CNKSR2: variants seen among roughly 807,000 people sequenced by gnomAD.
CNKSR2 encodes the protein CNK homolog protein 2.
In CNKSR2, 14 loss-of-function variants were observed where a neutral mutation model predicts 84.4. The observed-to-expected ratio is 0.17, with a 90% CI of 0.11 to 0.26. CNKSR2 has a LOEUF of 0.26. CNKSR2 is among the 10% of genes least tolerant of loss of function. The pLI, the probability that CNKSR2 is intolerant of heterozygous loss-of-function variation, is 1.00. For missense variants in CNKSR2, 485 were observed against 771.2 expected, an observed-to-expected ratio of 0.63 and a Z score of 4.40; for synonymous variants, 275 against 277.9, an observed-to-expected ratio of 0.99 and a Z score of 0.10.
chrX:21,630,181 A>G (rs942410842), intron 20 of CNKSR2, among the ~76,000 whole-genome samples: 1 of 112,063 alleles, frequency 8.9e-6, no homozygotes, highest in African/African-American at 3.2e-5. Flanking sequence ...CATAGTCTGG[A>G]TTTGAAATGC....
chrX:21,598,340 T>C (rs934203816), intron 17 of CNKSR2, among the ~76,000 whole-genome samples: 1 of 111,164 alleles, frequency 9.0e-6, no homozygotes, highest in Non-Finnish European at 1.9e-5. Flanking sequence ...AGTACACATG[T>C]TCTTGTAATT....
intron 20 of CNKSR2, among the ~76,000 whole-genome samples, chrX:21,641,240 T>C (rs1321948067): frequency 8.9e-6 from 1 of 112,136 alleles, no homozygotes; most frequent in Non-Finnish European, 1.9e-5. Context: ...CATATACAAG[T>C]ATAGTGGTGG....
In CNKSR2 at chrX:21,402,843, C is replaced by T. The variant is rs980920500; in HGVS notation, c.65-23654C>T. 2.7e-5 allele frequency among the ~76,000 whole-genome samples: 3 copies of T among 110,420 alleles called. No individual in the cohort carries two copies. In the Admixed American group the frequency reaches 2.9e-4, roughly 11 times the overall value. ...ACCAGACATTAAAATATTATAAAAC[C>T]TCTATCATAAAAACAGTATGGTGCT... On this transcript the variant is annotated intron_variant, in intron 1 of 21. Transcript: ENST00000379510.
chrX:21,617,737 A>G (rs2147297412), intron 20 of CNKSR2, among the ~76,000 whole-genome samples: 1 of 111,480 alleles, frequency 9.0e-6, no homozygotes, highest in Admixed American at 9.6e-5. Flanking sequence ...TGTAAGCAAC[A>G]GTCCTGTGAA....
intron 5 of CNKSR2, among the ~76,000 whole-genome samples, chrX:21,484,005 A>G (rs1205951420): frequency 1.8e-5 from 2 of 112,414 alleles, no homozygotes; most frequent in African/African-American, 6.5e-5. Flanking sequence ...AAATAAAAAC[A>G]TACTGGCTGG....
intron 13 of CNKSR2, among the ~76,000 whole-genome samples, chrX:21,570,990 TCTTCTATC>T (rs1569248849): frequency 8.9e-6 from 1 of 112,519 alleles, no homozygotes; most frequent in Non-Finnish European, 1.9e-5. Flanking sequence ...CTGGTTTTGA[TCTTCTATC>T]CAGACCACTT....
chrX:21,624,695 G>C lies in CNKSR2; in HGVS notation c.2692+15078G>C, dbSNP rs755579643. Among the ~76,000 whole-genome samples the C allele has an allele frequency of 2.7e-3, 295 of 111,298 alleles. 1 individual carries two copies. The highest frequency in any genetic ancestry group is 9.0e-3 in the African/African-American group (275 of 30,601). Reference sequence around the variant, plus strand: ...GCTGGTTTCGAACTCCTGACCTCAAGTGATCCTCCCAAAGTGTTAGGATTA... The same window carrying C: ...GCTGGTTTCGAACTCCTGACCTCAACTGATCCTCCCAAAGTGTTAGGATTA... On this transcript the variant is annotated intron_variant, in intron 20 of 21. Coordinates refer to ENST00000379510, the MANE Select transcript of CNKSR2 (RefSeq NM_014927.5).
intron 11 of CNKSR2, among the ~76,000 whole-genome samples, chrX:21,558,932 A>G (rs760189168): frequency 7.4e-4 from 83 of 111,559 alleles, no homozygotes; most frequent in Non-Finnish European, 1.4e-3. Flanking sequence ...TAATTGCTTC[A>G]GTTTCAGTGC....
At chrX:21,374,987 G>A (rs1469913721) in intron 1 of CNKSR2, 26 bp downstream of exon 1, 2 of 1,155,100 alleles carry the variant, frequency 1.7e-6, no homozygotes, top group Non-Finnish European at 2.4e-6. Context: ...GGGAGGGTGA[G>A]GCGGCACTGG....
intron 3 of CNKSR2, among the ~76,000 whole-genome samples, chrX:21,434,717 A>T (rs1422638770): frequency 9.0e-6 from 1 of 110,715 alleles, no homozygotes; most frequent in Non-Finnish European, 1.9e-5. Flanking sequence ...TTTGGAGAAA[A>T]CGTGTATCCA....
chrX:21,563,200 G>T (rs929600492), intron 12 of CNKSR2, 38 bp from the exon 13 acceptor site: 1 of 1,034,482 alleles, frequency 9.7e-7, no homozygotes, highest in African/African-American at 1.9e-5. Flanking sequence ...TGGGGTATTT[G>T]TGTATTTATA....
At chrX:21,614,490 TAAAGTC>T (rs1249759787) in intron 20 of CNKSR2, among the ~76,000 whole-genome samples, 1 of 111,179 alleles carries the variant, frequency 9.0e-6, no homozygotes, top group Non-Finnish European at 1.9e-5. Flanking sequence ...AAAGACATGA[TAAAGTC>T]AAAGAAAAAA....
chrX:21,605,325 CAG>C (rs991170608), intron 18 of CNKSR2, among the ~76,000 whole-genome samples: 1 of 112,245 alleles, frequency 8.9e-6, no homozygotes, highest in Non-Finnish European at 1.9e-5. Flanking sequence ...GGAAAAAAAA[CAG>C]ATATCAAATT....
Position 21,609,536 on chromosome X carries a change from G to T in CNKSR2, c.2611G>T (p.Val871Leu), listed in dbSNP as rs779720741. ...PVSACDPQDD[V>L]QPPEVEEEEE... is the part of the protein sequence containing the mutation. ...TAGTGCCTGTGACCCACAGGATGAC[G>T]TGCAACCCCCAGAGGTGGAGGAAGA... Residue 871 changes from valine (V) to leucine (L), a missense_variant, in exon 20 of 22, where the codon GTG becomes TTG. Val to Leu is a conservative substitution (Grantham distance 32). Transcript: ENST00000379510. 8.3e-7 allele frequency: 1 copy of T among 1,211,001 alleles called. No homozygotes were observed. The highest frequency in any genetic ancestry group is 1.1e-6 in the Non-Finnish European group (1 of 895,360).
chrX:21,608,663 T>C (rs1449513324), intron 19 of CNKSR2, among the ~76,000 whole-genome samples: 3 of 111,135 alleles, frequency 2.7e-5, no homozygotes, highest in Non-Finnish European at 5.7e-5. Context: ...CAAAAGACTC[T>C]CTCCTAGTCC....
intron 20 of CNKSR2, among the ~76,000 whole-genome samples, chrX:21,631,740 A>G (rs2092648768): frequency 8.9e-6 from 1 of 112,509 alleles, no homozygotes; most frequent in African/African-American, 3.2e-5. Flanking sequence ...CTCATGCAGT[A>G]TGTAGAATAA....
intron 21 of CNKSR2, among the ~76,000 whole-genome samples, chrX:21,649,712 G>A (rs778076190): frequency 3.6e-5 from 4 of 111,468 alleles, no homozygotes; most frequent in Non-Finnish European, 7.5e-5. Context: ...CTGTGTGTGG[G>A]GGAGTGTGGG....
intron 1 of CNKSR2, among the ~76,000 whole-genome samples, chrX:21,407,298 CA>C (rs1415139264): frequency 1.8e-5 from 2 of 110,962 alleles, no homozygotes; most frequent in Non-Finnish European, 3.8e-5. Context: ...ATTAACTGCC[CA>C]AAGTTGAACT....
In CNKSR2 at chrX:21,496,234, T is replaced by C. The variant is rs929095729; in HGVS notation, c.682-1553T>C. On this transcript the variant is annotated intron_variant, in intron 6 of 21. Coordinates refer to ENST00000379510, the MANE Select transcript of CNKSR2 (RefSeq NM_014927.5). ...TTTAAGATCCTTTATTAATCTGATA[T>C]AATATTGTTAATTCCTGAATGAAAA... 5.4e-5 allele frequency among the ~76,000 whole-genome samples: 6 copies of C among 112,124 alleles called. No individual in the cohort carries two copies. The East Asian group carries it at 1.4e-3, about 26-fold the overall frequency.
Sources: gnomAD v4.1 joint callset for allele counts (sites outside exome capture counted in the v4.1 genomes callset) on GRCh38, gnomAD v4.1.1 for gene constraint, MANE v1.5 for transcripts, NCBI Gene and HGNC (gene_info 2026-07-23, HGNC 2026-07-21) for gene names.